The following PTPRD variants were observed in gnomAD, a reference collection of about 807,000 sequenced individuals.
PTPRD encodes the protein protein tyrosine phosphatase receptor type D.
PTPRD carries 34 observed loss-of-function variants against 214.5 expected under a neutral mutation model. The ratio of observed to expected loss-of-function variants is 0.16; its 90% CI spans 0.12 to 0.21. The LOEUF (loss-of-function observed/expected upper bound fraction) is 0.21. PTPRD is among the 10% of genes least tolerant of loss of function. The probability of loss-of-function intolerance (pLI) is 1.00; values close to 1 mark genes in which losing one functional copy is unlikely to be tolerated. For missense variants in PTPRD, 2,545 were observed against 2,398.7 expected, an observed-to-expected ratio of 1.06 and a Z score of -1.27; for synonymous variants, 1,128 against 845.7, an observed-to-expected ratio of 1.33 and a Z score of -5.79.
rs1489857579 is a variant in PTPRD, at chr9:8,377,300, GT to G, written c.4387-575del. On this transcript the variant is annotated intron_variant, in intron 37 of 45. Coordinates refer to ENST00000381196, the MANE Select transcript of PTPRD (RefSeq NM_002839.4). Reference sequence around the variant, plus strand: ...ACCTATAATGTCTGCAGGAAAAAGAGTTGTCTGTTCCTTAAAAAGAGTCTCA... The same window carrying G: ...ACCTATAATGTCTGCAGGAAAAAGAGTGTCTGTTCCTTAAAAAGAGTCTCA... Among the ~76,000 whole-genome samples, 12 of 152,128 alleles carry G rather than the reference GT, an allele frequency of 7.9e-5. No homozygotes were observed. In the East Asian group the frequency reaches 2.1e-3, roughly 27 times the overall value.
chr9:9,222,900 G>T (rs980561263), intron 9 of PTPRD, among the ~76,000 whole-genome samples: 4 of 151,990 alleles, frequency 2.6e-5, no homozygotes, highest in African/African-American at 9.7e-5. Context: ...CTTAATGGAT[G>T]CCTCATTTAA....
intron 12 of PTPRD, among the ~76,000 whole-genome samples, chr9:8,656,905 C>A (rs1397075351): frequency 6.6e-6 from 1 of 152,148 alleles, no homozygotes; most frequent in Admixed American, 6.5e-5. Context: ...AAAACTGGAA[C>A]ACCCTGAAAT....
At chr9:8,500,128 A>C (rs1429905864) in intron 24 of PTPRD, among the ~76,000 whole-genome samples, 3 of 152,006 alleles carry the variant, frequency 2.0e-5, no homozygotes, top group Non-Finnish European at 4.4e-5. Flanking sequence ...ACAAAAGCCA[A>C]GGAAGATGCT....
chr9:10,146,977 C>A lies in PTPRD; in HGVS notation c.-544-113187G>T, dbSNP rs575921781. Among the ~76,000 whole-genome samples the A allele has an allele frequency of 5.3e-5, 8 of 151,754 alleles. No homozygotes were observed. The East Asian group carries it at 9.7e-4, about 18-fold the overall frequency. On this transcript the variant is annotated intron_variant, in intron 3 of 45. Coordinates refer to ENST00000381196, the MANE Select transcript of PTPRD (RefSeq NM_002839.4). ...ATCTTAGATCCAGACATGTAGGTGG[C>A]GACTTCAAGTCTGAAAATAAATGCC... is the stretch of plus-strand genomic sequence containing the variant.
intron 35 of PTPRD, among the ~76,000 whole-genome samples, chr9:8,408,196 G>C (rs1010755595): frequency 6.6e-6 from 1 of 152,134 alleles, no homozygotes; most frequent in African/African-American, 2.4e-5. Flanking sequence ...CTTCAACCCT[G>C]TATTTTCGGT....
At chr9:9,686,243 T>C (rs1595196238) in intron 7 of PTPRD, among the ~76,000 whole-genome samples, 1 of 151,384 alleles carries the variant, frequency 6.6e-6, no homozygotes, top group Admixed American at 6.6e-5. Flanking sequence ...TCTACCAATT[T>C]TACTCCTACC....
intron 4 of PTPRD, among the ~76,000 whole-genome samples, chr9:9,968,773 C>T (rs2890896): frequency 1.3e-5 from 2 of 151,984 alleles, no homozygotes; most frequent in Non-Finnish European, 2.9e-5. Flanking sequence ...ATTAGCACAA[C>T]GCCGTTAATC....
chr9:8,386,161 T>G (rs2086954609), intron 37 of PTPRD, among the ~76,000 whole-genome samples: 1 of 152,244 alleles, frequency 6.6e-6, no homozygotes, highest in East Asian at 1.9e-4. Context: ...AAATGAGAAT[T>G]TGAGGAGTCA....
At chr9:10,136,629 C>T (rs1412010606) in intron 3 of PTPRD, among the ~76,000 whole-genome samples, 2 of 131,556 alleles carry the variant, frequency 1.5e-5, no homozygotes, top group African/African-American at 5.9e-5. Flanking sequence ...CCATTCAGGA[C>T]ATAGGCGTGG....
chr9:8,906,099 A>T (rs2098705790), intron 11 of PTPRD, among the ~76,000 whole-genome samples: 1 of 152,210 alleles, frequency 6.6e-6, no homozygotes. Flanking sequence ...AATGAATGCA[A>T]CACAAACATA....
intron 9 of PTPRD, among the ~76,000 whole-genome samples, chr9:9,218,506 AG>A (rs746742925): frequency 1.3e-5 from 2 of 152,164 alleles, no homozygotes; most frequent in African/African-American, 2.4e-5. Context: ...CAATATAAAT[AG>A]GTCTGACAAT....
intron 4 of PTPRD, among the ~76,000 whole-genome samples, chr9:9,997,010 G>C (rs1358560383): frequency 5.9e-5 from 9 of 152,142 alleles, no homozygotes; most frequent in African/African-American, 2.2e-4. Flanking sequence ...CTTTGAAGAA[G>C]CCCAGGCATT....
rs2062379265 is a variant in PTPRD at position 9,860,021 on chromosome 9, T to C, written c.-368+78486A>G. Among the ~76,000 whole-genome samples, 3 of 152,170 alleles carry C rather than the reference T, an allele frequency of 2.0e-5. No individual in the cohort carries two copies. The South Asian group carries it at 6.2e-4, about 31-fold the overall frequency. ...TCCTCTGGTACAATTCAAATAATATTTGATTCTCCTGCATTATTTAAAAAT... is the reference window on the plus strand; with the variant it reads ...TCCTCTGGTACAATTCAAATAATATCTGATTCTCCTGCATTATTTAAAAAT... On this transcript the variant is annotated intron_variant, in intron 5 of 45. Coordinates refer to ENST00000381196, the MANE Select transcript of PTPRD (RefSeq NM_002839.4).
intron 2 of PTPRD, among the ~76,000 whole-genome samples, chr9:10,479,379 A>G (rs927995152): frequency 6.6e-6 from 1 of 152,130 alleles, no homozygotes; most frequent in Non-Finnish European, 1.5e-5. Context: ...GATGCTTGTA[A>G]TACATCATTT....
chr9:9,710,292 G>T (rs1034064471), intron 7 of PTPRD, among the ~76,000 whole-genome samples: 1 of 151,896 alleles, frequency 6.6e-6, no homozygotes, highest in Non-Finnish European at 1.5e-5. Flanking sequence ...CTAATCCATA[G>T]CAAAAAGAAG....
At chr9:10,512,870 G>C (rs1020368503) in intron 2 of PTPRD, among the ~76,000 whole-genome samples, 1 of 151,138 alleles carries the variant, frequency 6.6e-6, no homozygotes, top group Non-Finnish European at 1.5e-5. Context: ...CACTGGAGTT[G>C]AAACTGTCCA....
chr9:9,281,038 T>C (rs1947505025), intron 9 of PTPRD, among the ~76,000 whole-genome samples: 1 of 151,250 alleles, frequency 6.6e-6, no homozygotes, highest in Admixed American at 6.6e-5. Context: ...GTCTTAGTGC[T>C]GGAACAACTG....
intron 3 of PTPRD, among the ~76,000 whole-genome samples, chr9:10,084,295 T>C (rs2098292617): frequency 6.6e-6 from 1 of 151,952 alleles, no homozygotes; most frequent in African/African-American, 2.4e-5. Flanking sequence ...ATAATATAAA[T>C]CCTTCTGTAA....
intron 4 of PTPRD, among the ~76,000 whole-genome samples, chr9:10,023,138 T>A (rs2096855801): frequency 1.3e-5 from 2 of 152,196 alleles, no homozygotes; most frequent in African/African-American, 4.8e-5. Flanking sequence ...TTATTTAGAT[T>A]TCTGTAAATC....
Sources: gnomAD v4.1 joint callset for allele counts (sites outside exome capture counted in the v4.1 genomes callset) on GRCh38, gnomAD v4.1.1 for gene constraint, MANE v1.5 for transcripts, NCBI Gene and HGNC (gene_info 2026-07-23, HGNC 2026-07-21) for gene names.